Variants in TRAPPC12 observed in about 807,000 individuals in gnomAD.
TRAPPC12 encodes TPR repeat protein 15.
Under a neutral mutation model 69.2 loss-of-function variants are expected in TRAPPC12, and 61 were observed. The observed-to-expected ratio is 0.88, with a 90% CI of 0.72 to 1.09. The LOEUF (loss-of-function observed/expected upper bound fraction) is 1.09. TRAPPC12 is among the 50% of genes least tolerant of loss of function. The pLI is 0.00. For synonymous variants in TRAPPC12, 469 were observed against 438.9 expected (o/e 1.07, Z -0.86); for missense variants, 1,101 against 1,016.4 (o/e 1.08, Z -1.13).
At position 3,380,403 on chromosome 2, in the gene TRAPPC12, A is replaced by G. The variant is rs933801921; in HGVS notation, c.-5+527A>G. On this transcript the variant is annotated intron_variant, in intron 1 of 11. Coordinates refer to ENST00000324266, the MANE Select transcript of TRAPPC12 (RefSeq NM_016030.6). ...CGCTGTTGCTACACATACTAATTGT[A>G]GAGTATATTTACTGTGAAGACCGAA... Among the ~76,000 whole-genome samples, 136 of 152,384 alleles carry G rather than the reference A, an allele frequency of 8.9e-4. 1 individual carries two copies. The highest frequency in any genetic ancestry group is 3.1e-3 in the African/African-American group (130 of 41,596).
At position 3,388,086 on chromosome 2, in the gene TRAPPC12, G is replaced by A; in HGVS notation, c.463G>A (p.Glu155Lys). The A allele has an allele frequency of 1.9e-6, 3 of 1,541,620 alleles. No individual in the cohort carries two copies. The South Asian group carries it at 3.5e-5, about 18-fold the overall frequency. ...ARPEQEPPVAEPVPVCTIFSQ... is the reference protein window; with the variant it reads ...ARPEQEPPVAKPVPVCTIFSQ... ...CCCGGAGCAGGAGCCTCCCGTTGCG[G>A]AGCCGGTCCCGGTGTGCACCATCTT... The change falls in exon 2 of 12, where the codon GAG becomes AAG. Residue 155 changes from glutamate to lysine, a missense_variant. Coordinates refer to ENST00000324266, the MANE Select transcript of TRAPPC12 (RefSeq NM_016030.6).
chr2:3,470,636 G>T (rs1442711872), intron 9 of TRAPPC12, among the ~76,000 whole-genome samples: 1 of 152,192 alleles, frequency 6.6e-6, no homozygotes, highest in Non-Finnish European at 1.5e-5. Context: ...TCCACCCTCA[G>T]CTTTCTCTTC....
intron 3 of TRAPPC12, among the ~76,000 whole-genome samples, chr2:3,413,781 G>A (rs1662192032): frequency 1.3e-5 from 2 of 152,290 alleles, no homozygotes; most frequent in South Asian, 4.1e-4. Context: ...AGCTAACTCT[G>A]TTGAAGCAGC....
intron 4 of TRAPPC12, among the ~76,000 whole-genome samples, chr2:3,423,343 T>C (rs978037208): frequency 6.6e-6 from 1 of 151,984 alleles, no homozygotes; most frequent in African/African-American, 2.4e-5. Flanking sequence ...TGTGTGTGTG[T>C]GTGTGTGTGT....
At chr2:3,462,058 TGAA>T (rs982368677) in intron 8 of TRAPPC12, among the ~76,000 whole-genome samples, 1 of 152,242 alleles carries the variant, frequency 6.6e-6, no homozygotes, top group Non-Finnish European at 1.5e-5. Context: ...TGCAAAGACA[TGAA>T]GAATCAATTA....
At chr2:3,477,843 C>A in intron 10 of TRAPPC12, 48 bp downstream of exon 10, 1 of 1,333,794 alleles carries the variant, frequency 7.5e-7, no homozygotes, top group Middle Eastern at 1.9e-4. Flanking sequence ...TTCCCAGAGG[C>A]GTTCAAGCCC....
chr2:3,413,430 G>C, intron 3 of TRAPPC12, among the ~76,000 whole-genome samples: 1 of 152,324 alleles, frequency 6.6e-6, no homozygotes, highest in Non-Finnish European at 1.5e-5. Context: ...CAGTTCCGTA[G>C]CACCAGCAGC....
At chr2:3,402,936 T>C (rs1024094361) in intron 3 of TRAPPC12, among the ~76,000 whole-genome samples, 8 of 152,160 alleles carry the variant, frequency 5.3e-5, no homozygotes, top group African/African-American at 1.9e-4. Context: ...TGCAGTCAAG[T>C]TAGTGGGCAC....
intron 2 of TRAPPC12, 58 bp downstream of exon 2, chr2:3,388,728 C>CA: frequency 7.0e-7 from 1 of 1,432,096 alleles, no homozygotes; most frequent in East Asian, 2.5e-5. Context: ...CTGTGAGATA[C>CA]GCACAGTGCC....
chr2:3,408,271 A>C (rs1661840654), intron 3 of TRAPPC12, among the ~76,000 whole-genome samples: 1 of 152,246 alleles, frequency 6.6e-6, no homozygotes, highest in Non-Finnish European at 1.5e-5. Flanking sequence ...AGCACCAGTT[A>C]GTAAGGGTAG....
chr2:3,465,653 A>G lies in TRAPPC12; in HGVS notation c.1734A>G (p.Gln578=), dbSNP rs1388994173. 2 of 1,614,210 alleles carry G rather than the reference A, an allele frequency of 1.2e-6. No individual in the cohort carries two copies. The highest frequency in any genetic ancestry group is 1.1e-5 in the South Asian group (1 of 91,090). Residue 578 remains glutamine, a synonymous_variant, in exon 9 of 12, where the codon CAA becomes CAG. Transcript: ENST00000324266. The part of the protein sequence containing the change: ...YHSVIKYYPE[Q]EPQLLSGIGR... Reference sequence around the variant, plus strand: ...CGGTTATCAAGTATTACCCAGAGCAAGAGCCCCAGCTGCTCAGCGGCATCG... The same window carrying G: ...CGGTTATCAAGTATTACCCAGAGCAGGAGCCCCAGCTGCTCAGCGGCATCG...
chr2:3,380,227 G>A (rs1241340798), intron 1 of TRAPPC12, among the ~76,000 whole-genome samples: 1 of 152,018 alleles, frequency 6.6e-6, no homozygotes, highest in South Asian at 2.1e-4. Flanking sequence ...TCCAGGCTTG[G>A]TGCCAGCCAG....
At chr2:3,439,737 G>A (rs1340706289) in intron 5 of TRAPPC12, among the ~76,000 whole-genome samples, 1 of 151,990 alleles carries the variant, frequency 6.6e-6, no homozygotes, top group Non-Finnish European at 1.5e-5. Context: ...TGGTGTTTTT[G>A]GTGTTGTATC....
chr2:3,411,084 A>G (rs144109634), intron 3 of TRAPPC12, among the ~76,000 whole-genome samples: 1 of 152,356 alleles, frequency 6.6e-6, no homozygotes, highest in East Asian at 1.9e-4. Context: ...TTTGTGTGGC[A>G]TCACAGAATT....
intron 5 of TRAPPC12, among the ~76,000 whole-genome samples, chr2:3,440,750 G>A (rs1417717019): frequency 6.6e-6 from 1 of 152,150 alleles, no homozygotes; most frequent in African/African-American, 2.4e-5. Context: ...ATCTTAGGGG[G>A]AAGTCACTGA....
chr2:3,449,488 T>A (rs546622860), intron 6 of TRAPPC12: 1 of 152,462 alleles, frequency 6.6e-6, no homozygotes, highest in East Asian at 1.9e-4. Flanking sequence ...GTAAGGTACA[T>A]TTTCGTGCAC....
rs1038651867 is a variant in TRAPPC12 at position 3,465,285 on chromosome 2, T to C, written c.1678-312T>C. Among the ~76,000 whole-genome samples, 13 of 152,300 alleles carry C rather than the reference T, an allele frequency of 8.5e-5. 1 individual carries two copies. In the South Asian group the frequency reaches 2.7e-3, roughly 32 times the overall value. Reference sequence around the variant, plus strand: ...AGTTAGGTGCAGTCCAAGTGAAATATGAATCGCTGTTTAGAAGATGGAAGC... The same window carrying C: ...AGTTAGGTGCAGTCCAAGTGAAATACGAATCGCTGTTTAGAAGATGGAAGC... On this transcript the variant is annotated intron_variant, in intron 8 of 11. Transcript: ENST00000324266.
rs1209550954 is a variant in TRAPPC12, at chr2:3,443,769, T to A, written c.1418-10T>A. 1 of 1,613,016 alleles carries A rather than the reference T, an allele frequency of 6.2e-7. No homozygotes were observed. Among genetic ancestry groups the A allele is most frequent in the Non-Finnish European group, 8.5e-7 (1 of 1,179,128 alleles). ...GCAAACAAACTCACTCAGCACTGAT[T>A]GGATTCCAGGCTCCATGGTCCCCTT... On this transcript the variant is annotated splice_polypyrimidine_tract_variant and intron_variant, in intron 5 of 11. Transcript: ENST00000324266.
chr2:3,443,770 G>A lies in TRAPPC12; in HGVS notation c.1418-9G>A. 6.2e-7 allele frequency: 1 copy of A among 1,612,768 alleles called. No homozygotes were observed. The highest frequency in any genetic ancestry group is 2.2e-5 in the East Asian group (1 of 44,890). On this transcript the variant is annotated splice_polypyrimidine_tract_variant and intron_variant, in intron 5 of 11. Transcript: ENST00000324266. The stretch of plus-strand genomic sequence containing the variant: ...CAAACAAACTCACTCAGCACTGATT[G>A]GATTCCAGGCTCCATGGTCCCCTTC...
Sources: allele counts gnomAD v4.1 joint callset (sites outside exome capture counted in the v4.1 genomes callset), GRCh38; gene constraint gnomAD v4.1.1; transcripts MANE v1.5; gene names NCBI Gene and HGNC (gene_info 2026-07-23, HGNC 2026-07-21).